The following MALRD1 variants were observed in gnomAD, a reference collection of about 807,000 sequenced individuals.
MALRD1 encodes MAM and LDL receptor class A domain containing 1, also known as MAM and LDL-receptor class A domain-containing protein 1.
A neutral mutation model predicts 242.1 loss-of-function variants in MALRD1; 247 were observed. The observed-to-expected ratio is 1.02, with a 90% CI of 0.92 to 1.13. The LOEUF (loss-of-function observed/expected upper bound fraction) is 1.13. Ranked by LOEUF, MALRD1 falls within the 50% of genes most tolerant of loss-of-function variation. The probability of loss-of-function intolerance (pLI) is 0.00; values close to 1 mark genes in which losing one functional copy is unlikely to be tolerated. For synonymous variants in MALRD1, 995 were observed against 866.6 expected, an observed-to-expected ratio of 1.15 and a Z score of -2.60; for missense variants, 2,989 against 2,533.1, an observed-to-expected ratio of 1.18 and a Z score of -3.86.
chr10:19,479,219 T>C (rs1836879441), intron 29 of MALRD1, among the ~76,000 whole-genome samples: 1 of 152,218 alleles, frequency 6.6e-6, no homozygotes, highest in African/African-American at 2.4e-5. Context: ...TTAGTTTATC[T>C]GTTACAGAGT....
At chr10:19,455,959 G>A (rs1367163589) in intron 29 of MALRD1, among the ~76,000 whole-genome samples, 5 of 152,030 alleles carry the variant, frequency 3.3e-5, no homozygotes, top group Non-Finnish European at 5.9e-5. Context: ...CTACTTACAG[G>A]ACCCCTCTGT....
At chr10:19,135,664 G>A (rs1421069772) in intron 9 of MALRD1, among the ~76,000 whole-genome samples, 1 of 152,092 alleles carries the variant, frequency 6.6e-6, no homozygotes, top group Non-Finnish European at 1.5e-5. Context: ...TTGAAATTTG[G>A]CTACTATGAC....
rs574317158 is a variant in MALRD1 at position 19,570,118 on chromosome 10, C to A, written c.5680+2415C>A. Among the ~76,000 whole-genome samples, 6 of 152,032 alleles carry A rather than the reference C, an allele frequency of 3.9e-5. No homozygotes were observed. The South Asian group carries it at 8.3e-4, about 21-fold the overall frequency. ...TTAAAAACAAAACAAAACACTAAGA[C>A]CTTTGGTATTAAACCTTGAACTTTG... is the stretch of plus-strand genomic sequence containing the variant. On this transcript the variant is annotated intron_variant, in intron 33 of 39. Coordinates refer to ENST00000454679, the MANE Select transcript of MALRD1 (RefSeq NM_001142308.3).
At chr10:19,605,171 T>G (rs1838547533) in intron 34 of MALRD1, among the ~76,000 whole-genome samples, 1 of 151,544 alleles carries the variant, frequency 6.6e-6, no homozygotes, top group Admixed American at 6.6e-5. Flanking sequence ...TTATTTTTTT[T>G]TTTTTACAGA....
chr10:19,491,471 G>T (rs1241512738), intron 29 of MALRD1, 46 bp from the exon 30 acceptor site: 2 of 1,538,162 alleles, frequency 1.3e-6, no homozygotes, highest in Admixed American at 2.0e-5. Context: ...CAAGTCTAAT[G>T]AAAATATTGA....
At chr10:19,171,196 C>T (rs1282373890) in intron 13 of MALRD1, among the ~76,000 whole-genome samples, 3 of 151,292 alleles carry the variant, frequency 2.0e-5, no homozygotes, top group South Asian at 2.1e-4. Flanking sequence ...TTGAATAAAA[C>T]AAAAATCAAC....
chr10:19,443,029 C>T (rs1027796002), intron 28 of MALRD1, among the ~76,000 whole-genome samples: 8 of 152,188 alleles, frequency 5.3e-5, no homozygotes, highest in African/African-American at 1.9e-4. Context: ...GATTCAACTT[C>T]TTCCTGGTTT....
chr10:19,484,831 C>G (rs1182677199), intron 29 of MALRD1, among the ~76,000 whole-genome samples: 1 of 152,008 alleles, frequency 6.6e-6, no homozygotes, highest in Non-Finnish European at 1.5e-5. Flanking sequence ...GGTATCTACC[C>G]AAAGGAAAAG....
intron 33 of MALRD1, among the ~76,000 whole-genome samples, chr10:19,583,862 T>C (rs902665577): frequency 2.3e-4 from 35 of 152,100 alleles, no homozygotes; most frequent in African/African-American, 8.0e-4. Flanking sequence ...CCTGGACTCT[T>C]TTTGGTTGGT....
chr10:19,273,940 C>T (rs1840377325), intron 19 of MALRD1, among the ~76,000 whole-genome samples: 2 of 152,098 alleles, frequency 1.3e-5, no homozygotes, highest in African/African-American at 4.8e-5. Context: ...GACATCACCT[C>T]ATACCCATTA....
chr10:19,119,861 G>C (rs904649651), intron 5 of MALRD1, among the ~76,000 whole-genome samples: 10 of 152,172 alleles, frequency 6.6e-5, no homozygotes, highest in Admixed American at 4.6e-4. Context: ...CTCCACCCAG[G>C]AATGAGCAAG....
chr10:19,459,773 A>C (rs968152753), intron 29 of MALRD1, among the ~76,000 whole-genome samples: 5 of 151,272 alleles, frequency 3.3e-5, no homozygotes, highest in Non-Finnish European at 7.4e-5. Flanking sequence ...AATGTAATTT[A>C]AATCATATTA....
At chr10:19,620,039 T>A (rs970780971) in intron 36 of MALRD1, among the ~76,000 whole-genome samples, 4 of 147,254 alleles carry the variant, frequency 2.7e-5, no homozygotes, top group Admixed American at 2.0e-4. Context: ...AATAATATAT[T>A]GTTTATATTT....
At chr10:19,230,557 G>C (rs1432008400) in intron 18 of MALRD1, among the ~76,000 whole-genome samples, 10 of 152,178 alleles carry the variant, frequency 6.6e-5, no homozygotes, top group Non-Finnish European at 1.3e-4. Context: ...CAAGAGGACA[G>C]CACCAAGCCA....
intron 13 of MALRD1, among the ~76,000 whole-genome samples, chr10:19,172,626 G>GT (rs1835061885): frequency 6.6e-6 from 1 of 151,124 alleles, no homozygotes; most frequent in African/African-American, 2.4e-5. Context: ...ATGTGAGCGT[G>GT]TACCTCTTTA....
At chr10:19,103,380 T>G (rs532315205) in intron 4 of MALRD1, among the ~76,000 whole-genome samples, 1 of 151,400 alleles carries the variant, frequency 6.6e-6, no homozygotes, top group East Asian at 2.0e-4. Flanking sequence ...GCTAACACGG[T>G]GAAACCCTGT....
chr10:19,159,405 T>C (rs914054449), intron 12 of MALRD1, among the ~76,000 whole-genome samples: 13 of 152,064 alleles, frequency 8.5e-5, no homozygotes, highest in African/African-American at 3.1e-4. Flanking sequence ...TTCTAGATCT[T>C]ATAAAGGTGC....
chr10:19,107,030 C>T (rs1399872818), intron 5 of MALRD1, among the ~76,000 whole-genome samples: 70 of 151,932 alleles, frequency 4.6e-4, no homozygotes, highest in Admixed American at 4.6e-3. Context: ...ATGGTTGAGA[C>T]TTGTTTTGTG....
intron 36 of MALRD1, among the ~76,000 whole-genome samples, chr10:19,651,666 T>C (rs1840899446): frequency 6.6e-6 from 1 of 152,072 alleles, no homozygotes; most frequent in Non-Finnish European, 1.5e-5. Context: ...ATGGTTAATA[T>C]AATGGGAGAG....
Sources: allele counts gnomAD v4.1 joint callset (sites outside exome capture counted in the v4.1 genomes callset), GRCh38; gene constraint gnomAD v4.1.1; transcripts MANE v1.5; gene names NCBI Gene and HGNC (gene_info 2026-07-23, HGNC 2026-07-21).